The following CAPN3 variants were observed in gnomAD, a reference collection of about 807,000 sequenced individuals.
CAPN3 encodes the protein calpain-3.
A neutral mutation model predicts 114.0 loss-of-function variants in CAPN3; 88 were observed. The observed-to-expected ratio is 0.77, with a 90% CI of 0.65 to 0.92. The LOEUF is 0.92. CAPN3 is among the 40% of genes least tolerant of loss of function. The pLI is 0.00. For synonymous variants in CAPN3, 386 were observed against 382.9 expected, an observed-to-expected ratio of 1.01 and a Z score of -0.09; for missense variants, 1,028 against 1,069.0, an observed-to-expected ratio of 0.96 and a Z score of 0.53.
chr15:42,397,298 C>G (rs933289697), intron 9 of CAPN3, among the ~76,000 whole-genome samples: 1 of 152,200 alleles, frequency 6.6e-6, no homozygotes, highest in Non-Finnish European at 1.5e-5. Flanking sequence ...GGAGAGCCCC[C>G]TAAGTTCCCC....
At chr15:42,365,226 C>T (rs896433255) in intron 1 of CAPN3, among the ~76,000 whole-genome samples, 13 of 152,220 alleles carry the variant, frequency 8.5e-5, no homozygotes, top group Non-Finnish European at 1.6e-4. Context: ...GTTAAACTTC[C>T]CTCCATCAGC....
intron 11 of CAPN3, 70 bp from the exon 12 acceptor site, chr15:42,402,054 G>A (rs938151417): frequency 2.5e-6 from 4 of 1,599,090 alleles, no homozygotes; most frequent in African/African-American, 1.3e-5. Flanking sequence ...TGCAGTTGCT[G>A]GCATTGCCTT....
chr15:42,401,522 G>A, intron 10 of CAPN3, 119 bp from the exon 11 acceptor site: 1 of 543,444 alleles, frequency 1.8e-6, no homozygotes, highest in Admixed American at 2.7e-5. Context: ...CGTGTTTTCT[G>A]TTGATATTTC....
chr15:42,385,739 G>C, intron 2 of CAPN3: 1 of 522,106 alleles, frequency 1.9e-6, no homozygotes, highest in Non-Finnish European at 3.8e-6. Flanking sequence ...CTTGGTGGAT[G>C]GTTCTCTGAG....
At chr15:42,366,324 C>T (rs2141115887) in intron 1 of CAPN3, among the ~76,000 whole-genome samples, 1 of 152,308 alleles carries the variant, frequency 6.6e-6, no homozygotes, top group African/African-American at 2.4e-5. Context: ...CCCAGCCACA[C>T]CGGCTGGTTT....
intron 22 of CAPN3, 52 bp from the exon 23 acceptor site, chr15:42,411,235 T>C: frequency 2.1e-6 from 3 of 1,459,640 alleles, no homozygotes; most frequent in African/African-American, 1.4e-5. Context: ...GTTACAGTAG[T>C]AGAGGCGGAG....
Position 42,359,823 on chromosome 15 carries a change from C to A in CAPN3, c.18C>A (p.Ser6Arg). MPTVI[S>R]ASVAPRTAAE... ...CACTTGCCATGCCGACCGTCATTAG[C>A]GCATCTGTGGCTCCAAGGACAGCGG... Residue 6 changes from serine (S) to arginine (R), a missense_variant, in exon 1 of 24, where the codon AGC becomes AGA. Ser to Arg is a moderately radical substitution (Grantham distance 110). Transcript: ENST00000397163. The A allele has an allele frequency of 6.2e-7, 1 of 1,613,838 alleles. No homozygotes were observed. The highest frequency in any genetic ancestry group is 8.5e-7 in the Non-Finnish European group (1 of 1,180,016).
rs148855999 is a variant in CAPN3 at position 42,387,838 on chromosome 15, A to C, written c.584A>C (p.Asn195Thr). 68 of 1,614,074 alleles carry C rather than the reference A, an allele frequency of 4.2e-5. No homozygotes were observed. The highest frequency in any genetic ancestry group is 5.8e-5 in the Non-Finnish European group (68 of 1,180,042). ...AATCAACTGGTTTTCACCAAGTCCA[A>C]CCACCGCAATGAGTTCTGGAGTGCT... is the stretch of plus-strand genomic sequence containing the variant. ...YNNQLVFTKS[N>T]HRNEFWSALL... The change falls in exon 4 of 24, where the codon AAC becomes ACC. Residue 195 changes from asparagine (N) to threonine (T), a missense_variant. Coordinates refer to ENST00000397163, the MANE Select transcript of CAPN3 (RefSeq NM_000070.3).
intron 15 of CAPN3, 31 bp downstream of exon 15, chr15:42,405,974 G>C (rs1193428777): frequency 6.3e-7 from 1 of 1,592,802 alleles, no homozygotes; most frequent in East Asian, 2.2e-5. Flanking sequence ...CATGAAGTGT[G>C]TGTACTCATG....
At chr15:42,405,777 C>A (rs907301966) in intron 14 of CAPN3, 149 bp from the exon 15 acceptor site, 7 of 655,430 alleles carry the variant, frequency 1.1e-5, no homozygotes, top group Non-Finnish European at 1.9e-5. Context: ...CCTCCATGCC[C>A]CTTTTTGGCT....
chr15:42,360,249 T>C, intron 1 of CAPN3, 135 bp downstream of exon 1: 1 of 965,188 alleles, frequency 1.0e-6, no homozygotes, highest in Non-Finnish European at 1.7e-6. Context: ...GGCTCTGTCT[T>C]TAAGTGTGAA....
chr15:42,410,833 G>A (rs1285529717), intron 21 of CAPN3, 51 bp from the exon 22 acceptor site: 30 of 1,496,894 alleles, frequency 2.0e-5, no homozygotes, highest in Non-Finnish European at 2.8e-5. Flanking sequence ...ATAGAAGGCA[G>A]GCCCAAGGCC....
intron 9 of CAPN3, among the ~76,000 whole-genome samples, chr15:42,398,638 TATATACACACATATATATACACACAC>T (rs1296858777): frequency 7.2e-6 from 1 of 138,002 alleles, no homozygotes; most frequent in Non-Finnish European, 1.6e-5. Flanking sequence ...CACACACATA[TATATACACACATATATATACACACAC>T]ATATACACAC....
intron 6 of CAPN3, 147 bp from the exon 7 acceptor site, chr15:42,392,492 G>C (rs182079425): frequency 1.5e-6 from 1 of 673,880 alleles, no homozygotes; most frequent in African/African-American, 1.8e-5. Flanking sequence ...CTGAAGGTCC[G>C]TTCGTGGTCG....
chr15:42,390,130 C>T (rs2053516972), intron 6 of CAPN3, 34 bp downstream of exon 6: 1 of 1,613,398 alleles, frequency 6.2e-7, no homozygotes, highest in East Asian at 2.2e-5. Context: ...AACTGACCAT[C>T]CCTCCAACCC....
At chr15:42,391,939 G>A (rs1231155120) in intron 6 of CAPN3, among the ~76,000 whole-genome samples, 1 of 152,144 alleles carries the variant, frequency 6.6e-6, no homozygotes, top group Non-Finnish European at 1.5e-5. Flanking sequence ...TGAGGCGGGT[G>A]GATCACCTGA....
intron 1 of CAPN3, among the ~76,000 whole-genome samples, chr15:42,366,354 C>CTGG (rs1281137223): frequency 6.6e-6 from 1 of 152,180 alleles, no homozygotes; most frequent in Non-Finnish European, 1.5e-5. Flanking sequence ...TCTGTATGAC[C>CTGG]TGGTCTCTTG....
chr15:42,408,175 C>A, intron 15 of CAPN3, 36 bp from the exon 16 acceptor site: 1 of 1,417,456 alleles, frequency 7.1e-7, no homozygotes, highest in Non-Finnish European at 1.0e-6. Flanking sequence ...GACTGTAATC[C>A]TCCCTTCCTT....
At position 42,399,641 on chromosome 15, in the gene CAPN3, G is replaced by A. The variant is rs863224956; in HGVS notation, c.1343G>A (p.Arg448His). The A allele has an allele frequency of 6.9e-6, 11 of 1,602,114 alleles. No homozygotes were observed. Among genetic ancestry groups the A allele is most frequent in the Admixed American group, 1.7e-5 (1 of 58,530 alleles). Reference protein sequence around the residue: ...WVRGCSAGGCRNFPDTFWTNP... With the variant: ...WVRGCSAGGCHNFPDTFWTNP... ...CGGGGTTGCTCTGCCGGAGGCTGCCGCAACTTCCCAGGTGGGAGATGCTCT... is the reference window on the plus strand; with the variant it reads ...CGGGGTTGCTCTGCCGGAGGCTGCCACAACTTCCCAGGTGGGAGATGCTCT... Residue 448 changes from arginine to histidine, a missense_variant, in exon 10 of 24, where the codon CGC (arginine) becomes CAC (histidine). Coordinates refer to ENST00000397163, the MANE Select transcript of CAPN3 (RefSeq NM_000070.3).
Sources: allele counts gnomAD v4.1 joint callset (sites outside exome capture counted in the v4.1 genomes callset), GRCh38; gene constraint gnomAD v4.1.1; transcripts MANE v1.5; gene names NCBI Gene and HGNC (gene_info 2026-07-23, HGNC 2026-07-21).